NRP1: variants seen among roughly 807,000 people sequenced by gnomAD.
The protein encoded by NRP1 is neuropilin 1.
A neutral mutation model predicts 106.7 loss-of-function variants in NRP1; 35 were observed. That is an observed-to-expected ratio of 0.33 (90% CI 0.25 to 0.43). The LOEUF (loss-of-function observed/expected upper bound fraction) is 0.43, where lower values mean the gene tolerates loss of function less well. Among genes scored for constraint, NRP1 ranks in the 20% least tolerant of loss-of-function variants. NRP1 has a pLI of 1.00. For synonymous variants in NRP1, 437 were observed against 417.9 expected (o/e 1.05, Z -0.56); for missense variants, 1,024 against 1,170.4 (o/e 0.87, Z 1.83).
At chr10:33,210,796 G>A (rs1425604613) in intron 9 of NRP1, among the ~76,000 whole-genome samples, 1 of 152,172 alleles carries the variant, frequency 6.6e-6, no homozygotes, top group Admixed American at 6.5e-5. Context: ...TACATAAAAG[G>A]TACTTGGCAT....
At chr10:33,216,731 C>T (rs1437893347) in intron 8 of NRP1, among the ~76,000 whole-genome samples, 1 of 152,092 alleles carries the variant, frequency 6.6e-6, no homozygotes. Flanking sequence ...CTTGAGCCAC[C>T]ATATCCAGCC....
intron 13 of NRP1, among the ~76,000 whole-genome samples, chr10:33,190,240 T>C (rs1836313749): frequency 6.6e-6 from 1 of 152,230 alleles, no homozygotes; most frequent in Non-Finnish European, 1.5e-5. Context: ...GCTTTTAACC[T>C]CCTTTGAATG....
At chr10:33,205,113 T>G (rs1165777451) in intron 10 of NRP1, among the ~76,000 whole-genome samples, 1 of 152,190 alleles carries the variant, frequency 6.6e-6, no homozygotes, top group Admixed American at 6.5e-5. Flanking sequence ...ACTGCATCTT[T>G]CTCCTGCATT....
chr10:33,316,268 G>A (rs1847029189), intron 2 of NRP1, among the ~76,000 whole-genome samples: 1 of 152,210 alleles, frequency 6.6e-6, no homozygotes, highest in East Asian at 1.9e-4. Flanking sequence ...AGATAATTGA[G>A]AGGCCTTTAA....
At position 33,207,660 on chromosome 10, in the gene NRP1, G is replaced by T. The variant is rs767534920; in HGVS notation, c.1671C>A (p.Leu557=). 1 of 1,614,118 alleles carries T rather than the reference G, an allele frequency of 6.2e-7. No homozygotes were observed. ...GGTAGATCCTGATGAATCGCGTGGAGAGAGCTGGAAAAGTCCGCAGCTCAG... is the reference window on the plus strand; with the variant it reads ...GGTAGATCCTGATGAATCGCGTGGATAGAGCTGGAAAAGTCCGCAGCTCAG... ...DTPELRTFPA[L]STRFIRIYPE... The change falls in exon 10 of 17, where the codon CTC becomes CTA. Residue 557 remains leucine, a synonymous_variant. Coordinates refer to ENST00000374867, the MANE Select transcript of NRP1 (RefSeq NM_003873.7).
chr10:33,308,820 T>C (rs1344970086), intron 2 of NRP1, among the ~76,000 whole-genome samples: 1 of 152,036 alleles, frequency 6.6e-6, no homozygotes, highest in Non-Finnish European at 1.5e-5. Flanking sequence ...TATTTCTAAA[T>C]GCAAAGAAAA....
rs755346095 is a variant in NRP1 at position 33,221,796 on chromosome 10, C to T, written c.1205G>A (p.Arg402Gln). The change falls in exon 8 of 17, where the codon CGA (arginine) becomes CAA (glutamine). Residue 402 changes from arginine (R) to glutamine (Q), a missense_variant. By Grantham distance (43) the Arg-to-Gln change is conservative. Transcript: ENST00000374867. Reference sequence around the variant, plus strand: ...AGTTGCAGGCTTGATTCGGACAAATCGAGTTATCAGTGGTTTGGGGAATAC... The same window carrying T: ...AGTTGCAGGCTTGATTCGGACAAATTGAGTTATCAGTGGTTTGGGGAATAC... Reference protein sequence around the residue: ...VAVFPKPLITRFVRIKPATWE... With the variant: ...VAVFPKPLITQFVRIKPATWE... 10 of 1,614,040 alleles carry T rather than the reference C, an allele frequency of 6.2e-6. No individual in the cohort carries two copies. Among genetic ancestry groups the T allele is most frequent in the South Asian group, 2.2e-5 (2 of 91,070 alleles).
At chr10:33,310,191 TGCCCGCCTCG>T (rs1305403103) in intron 2 of NRP1, among the ~76,000 whole-genome samples, 2 of 148,570 alleles carry the variant, frequency 1.3e-5, no homozygotes, top group African/African-American at 2.5e-5. Flanking sequence ...CCTCATGATC[TGCCCGCCTCG>T]GCCTCCGAAA....
At chr10:33,295,200 A>G (rs1013957663) in intron 2 of NRP1, among the ~76,000 whole-genome samples, 2 of 152,166 alleles carry the variant, frequency 1.3e-5, no homozygotes, top group African/African-American at 2.4e-5. Context: ...ATGAATCCCT[A>G]TATAGCCAAG....
At chr10:33,323,578 G>A (rs1847680390) in intron 2 of NRP1, among the ~76,000 whole-genome samples, 1 of 151,956 alleles carries the variant, frequency 6.6e-6, no homozygotes, top group African/African-American at 2.4e-5. Flanking sequence ...ACCAGATACA[G>A]GCCAATCAAC....
intron 2 of NRP1, among the ~76,000 whole-genome samples, chr10:33,327,591 T>G (rs1847976052): frequency 6.6e-6 from 1 of 152,128 alleles, no homozygotes. Context: ...CAAAACTATG[T>G]TTGTAGGAAT....
intron 2 of NRP1, among the ~76,000 whole-genome samples, chr10:33,281,269 T>C (rs899198816): frequency 6.6e-6 from 1 of 152,092 alleles, no homozygotes; most frequent in Non-Finnish European, 1.5e-5. Context: ...AGGCTGGTCT[T>C]GTACTCTTGG....
Position 33,206,238 on chromosome 10 carries a change from T to C in NRP1, c.1759+1334A>G, listed in dbSNP as rs144437180. ...CTCCTTTTCCAGATGACCACATTTCTCCGTGAATTGAACGAACGCATCTGC... is the reference window on the plus strand; with the variant it reads ...CTCCTTTTCCAGATGACCACATTTCCCCGTGAATTGAACGAACGCATCTGC... On this transcript the variant is annotated intron_variant, in intron 10 of 16. Transcript: ENST00000374867. 7.7e-6 allele frequency: 4 copies of C among 519,066 alleles called. No individual in the cohort carries two copies. In the East Asian group the frequency reaches 1.6e-4, roughly 21 times the overall value. 32.2% of individuals were successfully genotyped at this position (519,066 alleles called of 1,614,324 possible). A position where few individuals can be genotyped will look rare whatever the true frequency, so the allele number is the denominator to read the frequency against.
At chr10:33,213,233 C>T in intron 9 of NRP1, 153 bp downstream of exon 9, 1 of 1,579,992 alleles carries the variant, frequency 6.3e-7, no homozygotes, top group South Asian at 1.1e-5. Context: ...TTCCTGTCTT[C>T]CTAGAATCAA....
intron 13 of NRP1, among the ~76,000 whole-genome samples, chr10:33,190,051 G>C (rs1043830242): frequency 6.6e-6 from 1 of 152,168 alleles, no homozygotes; most frequent in East Asian, 1.9e-4. Flanking sequence ...TGAAGGAATC[G>C]CACTTCTCAG....
At chr10:33,184,364 A>G (rs143368405) in intron 15 of NRP1, among the ~76,000 whole-genome samples, 4 of 152,332 alleles carry the variant, frequency 2.6e-5, no homozygotes, top group African/African-American at 9.6e-5. Context: ...TGCATATGGT[A>G]TGTAGTCAGT....
chr10:33,213,510 C>G lies in NRP1; in HGVS notation c.1490G>C (p.Gly497Ala), dbSNP rs1447416741. The change falls in exon 9 of 17, where the codon GGC becomes GCC. Residue 497 changes from glycine to alanine, a missense_variant. By Grantham distance (60) the Gly-to-Ala change is moderately conservative. This residue lies in a region of NRP1 where 562 missense variants were observed against 620.3 expected (regional missense o/e 0.91). Transcript: ENST00000374867. ...IDLGEEKIVR[G>A]IIIQGGKHRE... ...GTGCTTCCCACCCTGAATGATGATG[C>G]CCCTCACGATCTTCTCCTCCCCCAG... The G allele has an allele frequency of 6.2e-7, 1 of 1,614,048 alleles. No individual in the cohort carries two copies. The highest frequency in any genetic ancestry group is 1.1e-5 in the South Asian group (1 of 91,064).
At chr10:33,279,151 C>T (rs1363572698) in intron 2 of NRP1, among the ~76,000 whole-genome samples, 2 of 152,194 alleles carry the variant, frequency 1.3e-5, no homozygotes, top group African/African-American at 4.8e-5. Context: ...AGATAGTGTA[C>T]TGCTGGTTTC....
In NRP1 at chr10:33,224,724, C is replaced by T. The variant is rs114225154; in HGVS notation, c.1137+1410G>A. On this transcript the variant is annotated intron_variant, in intron 7 of 16. Transcript: ENST00000374867. The stretch of plus-strand genomic sequence containing the variant: ...CTGATGCTCTCCGTCCTCCCACATA[C>T]CCCGCTACCGACAAGTCCCAGTGTG... Among the ~76,000 whole-genome samples the T allele has an allele frequency of 7.5e-3, 1,148 of 152,182 alleles. 19 individuals are homozygous for T. The highest frequency in any genetic ancestry group is 0.027 in the African/African-American group (1,112 of 41,512).
Sources: allele counts gnomAD v4.1 joint callset (sites outside exome capture counted in the v4.1 genomes callset), GRCh38; gene constraint gnomAD v4.1.1; regional missense constraint gnomAD v4.1.1; transcripts MANE v1.5; gene names NCBI Gene and HGNC (gene_info 2026-07-23, HGNC 2026-07-21).